The following HBP1 variants were observed in gnomAD, a reference collection of about 807,000 sequenced individuals.
HBP1 encodes the protein HMG box-containing protein 1.
A neutral mutation model predicts 62.6 loss-of-function variants in HBP1; 20 were observed. That is an observed-to-expected ratio of 0.32 (90% confidence interval 0.22 to 0.46). The LOEUF is 0.46. Among genes scored for constraint, HBP1 ranks in the 20% least tolerant of loss-of-function variants. The probability of loss-of-function intolerance (pLI) is 1.00; values close to 1 mark genes in which losing one functional copy is unlikely to be tolerated. For synonymous variants in HBP1, 232 were observed against 206.2 expected (o/e 1.12, Z -1.07); for missense variants, 480 against 611.8 (o/e 0.78, Z 2.27).
In HBP1 at chr7:107,169,169, C is replaced by T. The variant is rs1796420110; in HGVS notation, c.-32C>T. On this transcript the variant is annotated 5_prime_UTR_variant, in exon 1 of 11. Coordinates refer to ENST00000222574, the MANE Select transcript of HBP1 (RefSeq NM_012257.4). ...GCCGGAGCGGCCCGCGCCTGGGCTG[C>T]CGGCACTTCGCGGCAGGTTTGTTGT... 9.1e-7 allele frequency: 1 copy of T among 1,097,280 alleles called. No homozygotes were observed. Among genetic ancestry groups the T allele is most frequent in the South Asian group, 1.9e-5 (1 of 53,670 alleles). 68.0% of individuals were successfully genotyped at this position (1,097,280 alleles called of 1,614,324 possible).
At chr7:107,191,517 A>G (rs1192030345) in intron 8 of HBP1, among the ~76,000 whole-genome samples, 1 of 152,206 alleles carries the variant, frequency 6.6e-6, no homozygotes, top group African/African-American at 2.4e-5. Context: ...AAATTCTTGT[A>G]GTCATGCTCA....
intron 2 of HBP1, among the ~76,000 whole-genome samples, chr7:107,182,060 T>G (rs1797132469): frequency 6.6e-6 from 1 of 152,198 alleles, no homozygotes; most frequent in Admixed American, 6.5e-5. Context: ...TAACAGGTTA[T>G]TAAAGTATGT....
At chr7:107,178,102 T>C (rs1001976349) in intron 1 of HBP1, among the ~76,000 whole-genome samples, 1 of 152,204 alleles carries the variant, frequency 6.6e-6, no homozygotes, top group African/African-American at 2.4e-5. Context: ...GCAATATATT[T>C]TATTGCTTTA....
chr7:107,197,970 G>A (rs977231556), intron 9 of HBP1, among the ~76,000 whole-genome samples: 1 of 152,044 alleles, frequency 6.6e-6, no homozygotes, highest in East Asian at 1.9e-4. Flanking sequence ...GTACACTTCT[G>A]GTATTTAATT....
At chr7:107,171,011 G>T (rs1796537955) in intron 1 of HBP1, among the ~76,000 whole-genome samples, 3 of 119,822 alleles carry the variant, frequency 2.5e-5, no homozygotes, top group Admixed American at 8.4e-5. Context: ...ACATATACAT[G>T]TATATATATA....
chr7:107,179,803 C>CT (rs1229222444), intron 1 of HBP1, 76 bp from the exon 2 acceptor site: 2 of 872,528 alleles, frequency 2.3e-6, no homozygotes, highest in South Asian at 2.0e-5. Flanking sequence ...TGTCATGTCT[C>CT]TGATTTATTT....
chr7:107,195,596 CT>C (rs990425598), intron 8 of HBP1, among the ~76,000 whole-genome samples: 1 of 151,998 alleles, frequency 6.6e-6, no homozygotes, highest in Non-Finnish European at 1.5e-5. Context: ...CTTTTTTAAG[CT>C]TTTGTATTAT....
Position 107,169,029 on chromosome 7 carries a change from T to C in HBP1, c.-172T>C, listed in dbSNP as rs1223661443. On this transcript the variant is annotated 5_prime_UTR_variant, in exon 1 of 11. Transcript: ENST00000222574. The stretch of plus-strand genomic sequence containing the variant: ...GACTTGGTAATGGCGACGGGTTTGG[T>C]AAGTAGGAAAGTTTCGGTTGAGGAG... 7.8e-7 allele frequency: 1 copy of C among 1,288,056 alleles called. No individual in the cohort carries two copies. The allele number at this position is 1,288,056 out of a possible 1,614,324, so 79.8% of individuals were successfully genotyped here.
chr7:107,198,099 C>G (rs1189386266), intron 9 of HBP1, among the ~76,000 whole-genome samples: 1 of 152,136 alleles, frequency 6.6e-6, no homozygotes, highest in African/African-American at 2.4e-5. Context: ...TTCTGGGGAA[C>G]TGGACTATCC....
At position 107,201,410 on chromosome 7, in the gene HBP1, A is replaced by G; in HGVS notation, c.1528-4A>G. 1 of 1,569,476 alleles carries G rather than the reference A, an allele frequency of 6.4e-7. No individual in the cohort carries two copies. On this transcript the variant is annotated splice_region_variant and splice_polypyrimidine_tract_variant and intron_variant, in intron 10 of 10. Coordinates refer to ENST00000222574, the MANE Select transcript of HBP1 (RefSeq NM_012257.4). ...ATTCACTGAGTTTAATTTTATTTCC[A>G]CAGGGCTCACAACAACATTAAACCA...
rs1584512791 is a variant in HBP1 at position 107,201,624 on chromosome 7, T to TATC, written c.*195_*197dup. On this transcript the variant is annotated 3_prime_UTR_variant, in exon 11 of 11. Transcript: ENST00000222574. ...CTCCATTAGAGCATTAAGCTAAAAC[T>TATC]ATCAACATTTTAAACCAAATTGCCT... is the stretch of plus-strand genomic sequence containing the variant. 4.6e-6 allele frequency: 2 copies of TATC among 435,904 alleles called. No homozygotes were observed. The highest frequency in any genetic ancestry group is 4.1e-5 in the African/African-American group (2 of 49,206). 27.0% of individuals were successfully genotyped at this position (435,904 alleles called of 1,614,324 possible).
chr7:107,169,194 T>G lies in HBP1; in HGVS notation c.-16+9T>G. 1 of 1,021,456 alleles carries G rather than the reference T, an allele frequency of 9.8e-7. No homozygotes were observed. Among genetic ancestry groups the G allele is most frequent in the Non-Finnish European group, 1.2e-6 (1 of 845,408 alleles). The allele number at this position is 1,021,456 out of a possible 1,614,324, so 63.3% of individuals were successfully genotyped here. A position where few individuals can be genotyped will look rare whatever the true frequency, so the allele number is the denominator to read the frequency against. On this transcript the variant is annotated intron_variant, in intron 1 of 10. Coordinates refer to ENST00000222574, the MANE Select transcript of HBP1 (RefSeq NM_012257.4). Reference sequence around the variant, plus strand: ...CCGGCACTTCGCGGCAGGTTTGTTGTCTTTCAGTTAGGGAAGAGGTGGGGG... The same window carrying G: ...CCGGCACTTCGCGGCAGGTTTGTTGGCTTTCAGTTAGGGAAGAGGTGGGGG...
chr7:107,184,035 C>A (rs1407352956), intron 3 of HBP1, among the ~76,000 whole-genome samples: 1 of 152,184 alleles, frequency 6.6e-6, no homozygotes, highest in Non-Finnish European at 1.5e-5. Flanking sequence ...TGTTAATTTT[C>A]ACAGAGTATT....
chr7:107,175,630 A>G (rs1452297356), intron 1 of HBP1, among the ~76,000 whole-genome samples: 1 of 151,784 alleles, frequency 6.6e-6, no homozygotes, highest in Non-Finnish European at 1.5e-5. Context: ...GTAAAACTAG[A>G]TTCTATATTC....
At chr7:107,186,975 G>A (rs1047183813) in intron 6 of HBP1, among the ~76,000 whole-genome samples, 1 of 152,114 alleles carries the variant, frequency 6.6e-6, no homozygotes, top group Non-Finnish European at 1.5e-5. Flanking sequence ...TAATGAGGTC[G>A]GGCGCAGTGG....
rs914430393 is a variant in HBP1, at chr7:107,169,078, A to G, written c.-123A>G. 5.4e-6 allele frequency: 7 copies of G among 1,286,382 alleles called. No individual in the cohort carries two copies. The Admixed American group carries it at 1.6e-4, about 30-fold the overall frequency. 79.7% of individuals were successfully genotyped at this position (1,286,382 alleles called of 1,614,324 possible). A position where few individuals can be genotyped will look rare whatever the true frequency, so the allele number is the denominator to read the frequency against. On this transcript the variant is annotated 5_prime_UTR_variant, in exon 1 of 11. Transcript: ENST00000222574. ...AGTAAGAGCTGCCGCGGGAGCAGTA[A>G]CCCGCGCGGGGGAGGCCGACGTCGG...
At chr7:107,200,394 T>G (rs1798178881) in intron 10 of HBP1, 93 bp downstream of exon 10, 15 of 955,150 alleles carry the variant, frequency 1.6e-5, no homozygotes, top group Non-Finnish European at 2.2e-5. Flanking sequence ...TTTAAGAGGT[T>G]GTGTTGATGC....
intron 1 of HBP1, among the ~76,000 whole-genome samples, chr7:107,173,197 T>TAA (rs1228407046): frequency 6.6e-6 from 1 of 152,224 alleles, no homozygotes; most frequent in Non-Finnish European, 1.5e-5. Context: ...TGTAATTATG[T>TAA]AATCCATTTA....
intron 8 of HBP1, among the ~76,000 whole-genome samples, chr7:107,191,271 A>G (rs1243360283): frequency 2.0e-5 from 3 of 152,194 alleles, no homozygotes; most frequent in Non-Finnish European, 4.4e-5. Context: ...AATGTCTACA[A>G]GCTTATGCTC....
Sources: gnomAD v4.1 joint callset for allele counts (sites outside exome capture counted in the v4.1 genomes callset) on GRCh38, gnomAD v4.1.1 for gene constraint, MANE v1.5 for transcripts, NCBI Gene and HGNC (gene_info 2026-07-23, HGNC 2026-07-21) for gene names.